CMIP: variants seen among roughly 807,000 people sequenced by gnomAD.
The protein encoded by CMIP is c-Maf inducing protein.
In CMIP, 13 loss-of-function variants were observed where a neutral mutation model predicts 97.3. That is an observed-to-expected ratio of 0.13 (90% CI 0.09 to 0.21). The LOEUF is 0.21. CMIP is among the 10% of genes least tolerant of loss of function. The pLI is 1.00. For missense variants in CMIP, 847 were observed against 1,024.9 expected (o/e 0.83, Z 2.37); for synonymous variants, 538 against 436.3 (o/e 1.23, Z -2.91).
At chr16:81,579,242 C>T (rs1316559800) in intron 1 of CMIP, among the ~76,000 whole-genome samples, 1 of 152,110 alleles carries the variant, frequency 6.6e-6, no homozygotes, top group Non-Finnish European at 1.5e-5. Flanking sequence ...GGTGGCGGTC[C>T]TTGCAAGACA....
chr16:81,657,268 G>A (rs567516867), intron 4 of CMIP, among the ~76,000 whole-genome samples: 4 of 152,218 alleles, frequency 2.6e-5, no homozygotes, highest in Admixed American at 6.5e-5. Flanking sequence ...GCCCACTCAC[G>A]GAACTTCATG....
chr16:81,542,524 T>C (rs1183590813), intron 1 of CMIP, among the ~76,000 whole-genome samples: 1 of 152,160 alleles, frequency 6.6e-6, no homozygotes, highest in African/African-American at 2.4e-5. Context: ...GACCTTCATC[T>C]GAGGGTCGTA....
At position 81,676,900 on chromosome 16, in the gene CMIP, C is replaced by A. The variant is rs1904335283; in HGVS notation, c.1035-1375C>A. On this transcript the variant is annotated intron_variant, in intron 9 of 20. Coordinates refer to ENST00000537098, the MANE Select transcript of CMIP (RefSeq NM_198390.3). ...TGGGAGCCCCTTTAGAGGCACAGGA[C>A]CCATGCATGTGACACATGTGGGGAA... 2.6e-5 allele frequency among the ~76,000 whole-genome samples: 4 copies of A among 152,250 alleles called. No homozygotes were observed. The South Asian group carries it at 8.3e-4, about 32-fold the overall frequency.
At chr16:81,707,849 G>A (rs1310896167) in intron 20 of CMIP, among the ~76,000 whole-genome samples, 15 of 152,246 alleles carry the variant, frequency 9.9e-5, no homozygotes, top group Admixed American at 9.2e-4. Context: ...GAAGGGCTGG[G>A]CTCAAAGGTG....
chr16:81,558,146 T>C (rs1353734136), intron 1 of CMIP, among the ~76,000 whole-genome samples: 1 of 152,226 alleles, frequency 6.6e-6, no homozygotes, highest in Non-Finnish European at 1.5e-5. Flanking sequence ...ATGGCAATAT[T>C]CCATTGTCTG....
intron 1 of CMIP, among the ~76,000 whole-genome samples, chr16:81,457,315 C>T (rs2150734576): frequency 6.6e-6 from 1 of 152,222 alleles, no homozygotes; most frequent in African/African-American, 2.4e-5. Context: ...TTTACCTCCC[C>T]TCTCTTGTAA....
intron 10 of CMIP, among the ~76,000 whole-genome samples, chr16:81,689,290 C>G (rs1481168896): frequency 6.6e-6 from 1 of 152,208 alleles, no homozygotes. Context: ...TAAAAGTGTT[C>G]CTATTTCTCC....
chr16:81,465,435 C>T (rs536419075), intron 1 of CMIP, among the ~76,000 whole-genome samples: 13 of 152,342 alleles, frequency 8.5e-5, no homozygotes, highest in Admixed American at 2.0e-4. Flanking sequence ...CCGTGTCTGA[C>T]GCTGTGTCCT....
intron 1 of CMIP, among the ~76,000 whole-genome samples, chr16:81,495,997 G>A (rs1018471231): frequency 6.6e-6 from 1 of 152,214 alleles, no homozygotes; most frequent in Admixed American, 6.5e-5. Flanking sequence ...TGGCAGGGGC[G>A]CAAAGGAAGC....
chr16:81,457,246 C>T (rs547587973), intron 1 of CMIP, among the ~76,000 whole-genome samples: 30 of 152,174 alleles, frequency 2.0e-4, no homozygotes, highest in Middle Eastern at 3.4e-3. Context: ...CCCTGTGGCG[C>T]GGCACCACCC....
In CMIP at chr16:81,591,810, TTTTC is replaced by T. The variant is rs536480150; in HGVS notation, c.301-15737_301-15734del. Among the ~76,000 whole-genome samples, 329 of 149,814 alleles carry T rather than the reference TTTTC, an allele frequency of 2.2e-3. 4 individuals are homozygous for T. The highest frequency in any genetic ancestry group is 0.016 in the East Asian group (80 of 5,054). ...TTCTGCTTGTTATGCAGTTTACTGG[TTTTC>T]TTTCTTTCTTTCTTTCTTTTTTTTT... On this transcript the variant is annotated intron_variant, in intron 1 of 20. Coordinates refer to ENST00000537098, the MANE Select transcript of CMIP (RefSeq NM_198390.3).
At chr16:81,473,085 G>A (rs1373752520) in intron 1 of CMIP, among the ~76,000 whole-genome samples, 2 of 152,210 alleles carry the variant, frequency 1.3e-5, no homozygotes, top group Non-Finnish European at 2.9e-5. Flanking sequence ...AGCACCTTCA[G>A]CCACACCACC....
At chr16:81,662,943 A>G (rs1039302678) in intron 6 of CMIP, among the ~76,000 whole-genome samples, 2 of 152,180 alleles carry the variant, frequency 1.3e-5, no homozygotes, top group African/African-American at 4.8e-5. Flanking sequence ...CAGACCAAAC[A>G]TGCAGAATCT....
intron 3 of CMIP, among the ~76,000 whole-genome samples, chr16:81,641,445 A>G (rs184188239): frequency 6.6e-6 from 1 of 152,144 alleles, no homozygotes; most frequent in Admixed American, 6.5e-5. Flanking sequence ...CTCAAACAGC[A>G]TCTGCGTGAT....
Position 81,504,973 on chromosome 16 carries a change from C to T in CMIP, c.300+59432C>T, listed in dbSNP as rs572956444. Among the ~76,000 whole-genome samples the T allele has an allele frequency of 9.5e-4, 145 of 152,388 alleles. 1 individual carries two copies. The highest frequency in any genetic ancestry group is 3.4e-3 in the African/African-American group (142 of 41,590). On this transcript the variant is annotated intron_variant, in intron 1 of 20. Transcript: ENST00000537098. Reference sequence around the variant, plus strand: ...GCTGCTTTAGACCCTGCTCTTTTGACCCCTTGAATCAGCCAGTGAGGCTGG... The same window carrying T: ...GCTGCTTTAGACCCTGCTCTTTTGATCCCTTGAATCAGCCAGTGAGGCTGG...
At chr16:81,455,120 A>G (rs931164920) in intron 1 of CMIP, among the ~76,000 whole-genome samples, 4 of 152,336 alleles carry the variant, frequency 2.6e-5, no homozygotes, top group African/African-American at 9.6e-5. Flanking sequence ...GTGGTGCTTT[A>G]CGATGCAGAG....
intron 10 of CMIP, 100 bp from the exon 11 acceptor site, chr16:81,691,675 C>T (rs983696586): frequency 2.2e-6 from 2 of 888,952 alleles, no homozygotes; most frequent in Non-Finnish European, 3.7e-6. Context: ...GACTACCTGC[C>T]AGGCTCTCAC....
At position 81,691,835 on chromosome 16, in the gene CMIP, C is replaced by G. The variant is rs1232021352; in HGVS notation, c.1449C>G (p.Pro483=). The change falls in exon 11 of 21, where the codon CCC becomes CCG. Residue 483 remains proline (P), a synonymous_variant. Coordinates refer to ENST00000537098, the MANE Select transcript of CMIP (RefSeq NM_198390.3). The stretch of plus-strand genomic sequence containing the variant: ...GTTTGCTTCAACCCATTCCATTCCC[C>G]AAAGAGTAAGTCCCGTGTGCATCCC... ...LASLLQPIPF[P]KEALAHEKFT... is the part of the protein sequence containing the mutation. 1.2e-6 allele frequency: 2 copies of G among 1,613,480 alleles called. No homozygotes were observed. Among genetic ancestry groups the G allele is most frequent in the Non-Finnish European group, 1.7e-6 (2 of 1,179,552 alleles).
intron 3 of CMIP, among the ~76,000 whole-genome samples, chr16:81,642,765 G>A (rs1005635364): frequency 3.9e-5 from 6 of 152,114 alleles, no homozygotes; most frequent in East Asian, 1.9e-4. Context: ...GCGTGGTGGC[G>A]GGCGCCTGTA....
Sources: allele counts gnomAD v4.1 joint callset (sites outside exome capture counted in the v4.1 genomes callset), GRCh38; gene constraint gnomAD v4.1.1; transcripts MANE v1.5; gene names NCBI Gene and HGNC (gene_info 2026-07-23, HGNC 2026-07-21).